Variants in WDR70 observed in about 807,000 individuals in gnomAD.
WDR70 encodes WD repeat-containing protein 70.
A neutral mutation model predicts 88.6 loss-of-function variants in WDR70; 53 were observed. The observed-to-expected ratio is 0.60, with a 90% confidence interval of 0.48 to 0.75. The LOEUF is 0.75. Among genes scored for constraint, WDR70 ranks in the 30% least tolerant of loss-of-function variants. WDR70 has a pLI of 0.00. For missense variants in WDR70, 610 were observed against 823.2 expected (o/e 0.74, Z 3.17); for synonymous variants, 280 against 270.0 (o/e 1.04, Z -0.36).
At chr5:37,685,352 G>A (rs185275526) in intron 10 of WDR70, among the ~76,000 whole-genome samples, 1 of 152,214 alleles carries the variant, frequency 6.6e-6, no homozygotes, top group East Asian at 1.9e-4. Context: ...GCAGTGAGGG[G>A]AGGGAGTGGG....
chr5:37,534,558 C>G (rs1741601564), intron 9 of WDR70, among the ~76,000 whole-genome samples: 1 of 143,308 alleles, frequency 7.0e-6, no homozygotes, highest in Admixed American at 7.3e-5. Context: ...AGTGCAGAGG[C>G]ACAATTTGGG....
At chr5:37,489,612 C>T (rs1307557498) in intron 8 of WDR70, among the ~76,000 whole-genome samples, 3 of 149,928 alleles carry the variant, frequency 2.0e-5, no homozygotes, top group African/African-American at 7.6e-5. Flanking sequence ...TAGGCACTGG[C>T]AGTAGGTTTT....
intron 2 of WDR70, 44 bp downstream of exon 2, chr5:37,379,598 G>A: frequency 1.2e-6 from 2 of 1,607,742 alleles, no homozygotes; most frequent in African/African-American, 2.7e-5. Flanking sequence ...TTGTGCAGAG[G>A]TTTGAAGATC....
intron 9 of WDR70, among the ~76,000 whole-genome samples, chr5:37,586,881 T>G (rs935021952): frequency 6.6e-6 from 1 of 152,176 alleles, no homozygotes; most frequent in Non-Finnish European, 1.5e-5. Context: ...TACAACAAGA[T>G]TCTCCACCTG....
chr5:37,421,429 G>A (rs1022363586), intron 5 of WDR70, among the ~76,000 whole-genome samples: 4 of 152,174 alleles, frequency 2.6e-5, no homozygotes, highest in African/African-American at 9.7e-5. Context: ...ACGCTTGTAA[G>A]GTACTTTGTG....
At chr5:37,437,867 G>C in intron 5 of WDR70, 55 bp from the exon 6 acceptor site, 1 of 1,526,436 alleles carries the variant, frequency 6.6e-7, no homozygotes, top group Non-Finnish European at 8.9e-7. Context: ...GTGTTGTGTA[G>C]TTCCCCACAA....
At chr5:37,583,420 CAAAA>C (rs142442041) in intron 9 of WDR70, among the ~76,000 whole-genome samples, 1 of 59,254 alleles carries the variant, frequency 1.7e-5, no homozygotes, top group Non-Finnish European at 3.9e-5. Context: ...GACTCTGTCT[CAAAA>C]AAAAAAAAAA....
chr5:37,688,541 C>T (rs1255792191), intron 10 of WDR70, among the ~76,000 whole-genome samples: 1 of 151,984 alleles, frequency 6.6e-6, no homozygotes, highest in Non-Finnish European at 1.5e-5. Context: ...TTTATAAGAT[C>T]TTCCAAAAGT....
chr5:37,418,609 T>C (rs1020555949), intron 5 of WDR70, among the ~76,000 whole-genome samples: 4 of 152,230 alleles, frequency 2.6e-5, no homozygotes, highest in Non-Finnish European at 5.9e-5. Context: ...TGTTCTCCTT[T>C]GTATCATTTA....
chr5:37,391,902 T>G (rs940805904), intron 3 of WDR70, 98 bp from the exon 4 acceptor site: 37 of 1,338,152 alleles, frequency 2.8e-5, no homozygotes, highest in Non-Finnish European at 3.0e-5. Flanking sequence ...CTAAGTTATA[T>G]CTTTGTGACT....
intron 10 of WDR70, among the ~76,000 whole-genome samples, chr5:37,656,187 A>C (rs988300938): frequency 5.9e-5 from 9 of 152,110 alleles, no homozygotes; most frequent in African/African-American, 2.2e-4. Flanking sequence ...TTTCCTTTGA[A>C]TAGTCAGGCC....
chr5:37,513,522 G>C (rs998674563), intron 8 of WDR70, among the ~76,000 whole-genome samples: 1 of 152,178 alleles, frequency 6.6e-6, no homozygotes, highest in Admixed American at 6.5e-5. Context: ...GTTGTGGACT[G>C]TGTATATTAG....
At chr5:37,708,103 G>T (rs568269195) in intron 13 of WDR70, among the ~76,000 whole-genome samples, 1 of 148,618 alleles carries the variant, frequency 6.7e-6, no homozygotes, top group East Asian at 2.0e-4. Context: ...TCTTTGGGAC[G>T]TTTTTTAAAT....
At chr5:37,523,279 A>C (rs1741153208) in intron 9 of WDR70, among the ~76,000 whole-genome samples, 1 of 152,202 alleles carries the variant, frequency 6.6e-6, no homozygotes, top group South Asian at 2.1e-4. Context: ...CTCTGAGACG[A>C]AGCTTCCAGA....
intron 8 of WDR70, among the ~76,000 whole-genome samples, chr5:37,487,627 A>ATATATATTTTTTTTTTTTTTTTT (rs1317924512): frequency 1.4e-5 from 1 of 69,070 alleles, no homozygotes; most frequent in African/African-American, 5.0e-5. Context: ...ATATATATGT[A>ATATATATTTTTTTTTTTTTTTTT]TTTTTTTTTT....
chr5:37,457,290 T>G (rs1738872139), intron 7 of WDR70, among the ~76,000 whole-genome samples: 1 of 152,128 alleles, frequency 6.6e-6, no homozygotes, highest in African/African-American at 2.4e-5. Context: ...GAGATAGGGT[T>G]TCACCATGTT....
intron 5 of WDR70, among the ~76,000 whole-genome samples, chr5:37,431,701 T>G (rs1750307266): frequency 6.6e-6 from 1 of 152,220 alleles, no homozygotes; most frequent in Admixed American, 6.5e-5. Flanking sequence ...ATCCATTAAA[T>G]AGCAACTCCC....
At chr5:37,660,185 AT>A (rs1045222188) in intron 10 of WDR70, among the ~76,000 whole-genome samples, 5 of 152,282 alleles carry the variant, frequency 3.3e-5, no homozygotes, top group African/African-American at 9.6e-5. Context: ...AATTCCTATG[AT>A]TTTAAACTTT....
At chr5:37,575,598 C>G (rs1004947453) in intron 9 of WDR70, among the ~76,000 whole-genome samples, 1 of 152,130 alleles carries the variant, frequency 6.6e-6, no homozygotes, top group Non-Finnish European at 1.5e-5. Flanking sequence ...TAAATACAAC[C>G]ACATGCCAGG....
Sources: gnomAD v4.1 joint callset for allele counts (sites outside exome capture counted in the v4.1 genomes callset) on GRCh38, gnomAD v4.1.1 for gene constraint, MANE v1.5 for transcripts, NCBI Gene and HGNC (gene_info 2026-07-23, HGNC 2026-07-21) for gene names.